The following RGS6 variants were observed in gnomAD, a reference collection of about 807,000 sequenced individuals.
RGS6 encodes the protein regulator of G protein signaling 6, also known as regulator of G-protein signaling 6.
In RGS6, 30 loss-of-function variants were observed where a neutral mutation model predicts 78.5. That is an observed-to-expected ratio of 0.38 (90% CI 0.29 to 0.52). RGS6 has a LOEUF of 0.52. Among genes scored for constraint, RGS6 ranks in the 20% least tolerant of loss-of-function variants. The pLI, the probability that RGS6 is intolerant of heterozygous loss-of-function variation, is 0.85. For synonymous variants in RGS6, 206 were observed against 206.0 expected, an observed-to-expected ratio of 1.00 and a Z score of 0.00; for missense variants, 495 against 609.7, an observed-to-expected ratio of 0.81 and a Z score of 1.98.
chr14:72,392,178 A>G (rs1416669938), intron 3 of RGS6, among the ~76,000 whole-genome samples: 1 of 148,290 alleles, frequency 6.7e-6, no homozygotes, highest in Non-Finnish European at 1.5e-5. Context: ...ATATACACAT[A>G]CATACACAAA....
intron 2 of RGS6, among the ~76,000 whole-genome samples, chr14:72,172,561 G>T (rs192276504): frequency 8.5e-5 from 13 of 152,190 alleles, no homozygotes; most frequent in South Asian, 2.1e-4. Context: ...GGTGGTATTT[G>T]GTTGACTCCC....
intron 3 of RGS6, among the ~76,000 whole-genome samples, chr14:72,379,335 C>A (rs544762058): frequency 1.3e-5 from 2 of 151,940 alleles, no homozygotes; most frequent in South Asian, 4.2e-4. Flanking sequence ...CTAGCCAGAG[C>A]AATTGGCAAA....
chr14:72,453,441 C>A (rs1476501296), intron 3 of RGS6, among the ~76,000 whole-genome samples: 1 of 149,768 alleles, frequency 6.7e-6, no homozygotes, highest in East Asian at 2.0e-4. Flanking sequence ...CGGTGAAACC[C>A]CGTCTCTACT....
At position 72,562,499 on chromosome 14, in the gene RGS6, C is replaced by A. The variant is rs199552071; in HGVS notation, c.*32C>A. 6.2e-7 allele frequency: 1 copy of A among 1,609,986 alleles called. No homozygotes were observed. The highest frequency in any genetic ancestry group is 1.1e-5 in the South Asian group (1 of 91,038). On this transcript the variant is annotated 3_prime_UTR_variant, in exon 18 of 18. Transcript: ENST00000553525. Reference sequence around the variant, plus strand: ...CTACCGCAGGTCCAGGGCCTGGGCCCGCGGACCCCACAGGCAGGCGGCGGC... The same window carrying A: ...CTACCGCAGGTCCAGGGCCTGGGCCAGCGGACCCCACAGGCAGGCGGCGGC...
intron 1 of RGS6, among the ~76,000 whole-genome samples, chr14:71,956,565 G>C (rs1437295314): frequency 6.6e-6 from 1 of 152,050 alleles, no homozygotes; most frequent in Non-Finnish European, 1.5e-5. Flanking sequence ...TCCAGCAAGG[G>C]AGAAAGATGT....
intron 2 of RGS6, among the ~76,000 whole-genome samples, chr14:72,083,856 C>T (rs1459984950): frequency 1.3e-5 from 2 of 152,110 alleles, no homozygotes; most frequent in African/African-American, 4.8e-5. Context: ...ATTGATTGCC[C>T]ATCAGTCTTG....
intron 17 of RGS6, chr14:72,553,504 T>C (rs1304386143): frequency 6.6e-6 from 1 of 152,434 alleles, no homozygotes; most frequent in Non-Finnish European, 1.5e-5. Flanking sequence ...CCAGGGACAG[T>C]CGGCAGCACC....
intron 3 of RGS6, among the ~76,000 whole-genome samples, chr14:72,410,987 T>A (rs1045528059): frequency 1.3e-5 from 2 of 152,368 alleles, no homozygotes; most frequent in East Asian, 1.9e-4. Context: ...TAGTATAGTT[T>A]GAAGTCAGGT....
At chr14:72,545,018 T>C (rs17117195) in intron 17 of RGS6, among the ~76,000 whole-genome samples, 6,589 of 152,324 alleles carry the variant, frequency 0.043, 266 homozygotes, top group African/African-American at 0.097. Flanking sequence ...CAAGGTTTCA[T>C]GGGGAACAGC....
intron 2 of RGS6, among the ~76,000 whole-genome samples, chr14:72,239,559 G>A (rs1452806652): frequency 2.0e-5 from 3 of 152,154 alleles, no homozygotes; most frequent in Non-Finnish European, 4.4e-5. Context: ...CTCCTGCCCC[G>A]CTCATGCCTG....
At chr14:72,446,199 G>T (rs2095359010) in intron 3 of RGS6, among the ~76,000 whole-genome samples, 1 of 152,128 alleles carries the variant, frequency 6.6e-6, no homozygotes. Context: ...CAGCCCTCAG[G>T]AAGAACCAAC....
chr14:71,884,042 G>C, the RGS6 span, among the ~76,000 whole-genome samples: 1 of 152,150 alleles, frequency 6.6e-6, no homozygotes, highest in Non-Finnish European at 1.5e-5. Context: ...TAATAAACTT[G>C]CTTTCACTTT....
At chr14:72,127,937 A>AT (rs11306703) in intron 2 of RGS6, among the ~76,000 whole-genome samples, 9 of 151,562 alleles carry the variant, frequency 5.9e-5, no homozygotes, top group Non-Finnish European at 8.8e-5. Flanking sequence ...AACCTTTGAG[A>AT]TTTTTTTTTC....
At chr14:72,345,162 C>G (rs1276784422) in intron 2 of RGS6, among the ~76,000 whole-genome samples, 1 of 152,180 alleles carries the variant, frequency 6.6e-6, no homozygotes, top group African/African-American at 2.4e-5. Flanking sequence ...CCCCCTCCCC[C>G]TCCTTCCCAC....
chr14:72,521,518 T>C (rs1244486462), intron 15 of RGS6, among the ~76,000 whole-genome samples: 1 of 152,196 alleles, frequency 6.6e-6, no homozygotes, highest in African/African-American at 2.4e-5. Context: ...TTCCAAGTAC[T>C]TCTAAATACA....
chr14:72,058,278 C>T (rs573969060), intron 2 of RGS6, among the ~76,000 whole-genome samples: 82 of 152,190 alleles, frequency 5.4e-4, no homozygotes, highest in Non-Finnish European at 1.0e-3. Flanking sequence ...ATTGAGCATA[C>T]ATTTTGAGGT....
chr14:72,176,386 G>T (rs1261875920), intron 2 of RGS6, among the ~76,000 whole-genome samples: 1 of 152,208 alleles, frequency 6.6e-6, no homozygotes, highest in African/African-American at 2.4e-5. Context: ...TTTGCTGAGG[G>T]TAGGACCTGC....
the RGS6 span, among the ~76,000 whole-genome samples, chr14:72,622,474 G>C: frequency 2.6e-5 from 4 of 152,078 alleles, no homozygotes; most frequent in Non-Finnish European, 5.9e-5. Flanking sequence ...AAAACAGACA[G>C]GACTTGTCAG....
In RGS6 at chr14:72,089,956, A is replaced by G. The variant is rs143438553; in HGVS notation, c.84+125081A>G. On this transcript the variant is annotated intron_variant, in intron 2 of 17. Coordinates refer to ENST00000553525, the MANE Select transcript of RGS6 (RefSeq NM_001204424.2). ...AGGAAGGGAGATTGGAAACAGCTTT[A>G]TAGTAGATTTGATGCTGTTATAAGA... is the stretch of plus-strand genomic sequence containing the variant. Among the ~76,000 whole-genome samples, 33 of 152,260 alleles carry G rather than the reference A, an allele frequency of 2.2e-4. No homozygotes were observed. The East Asian group carries it at 6.0e-3, about 28-fold the overall frequency.
Sources: gnomAD v4.1 joint callset for allele counts (sites outside exome capture counted in the v4.1 genomes callset) on GRCh38, gnomAD v4.1.1 for gene constraint, MANE v1.5 for transcripts, NCBI Gene and HGNC (gene_info 2026-07-23, HGNC 2026-07-21) for gene names.